CHKB: variants seen among roughly 807,000 people sequenced by gnomAD.
The protein encoded by CHKB is choline kinase beta.
CHKB carries 45 observed loss-of-function variants against 57.3 expected under a neutral mutation model. That is an observed-to-expected ratio of 0.79 (90% confidence interval 0.62 to 1.01). CHKB has a LOEUF of 1.01. Ranked by LOEUF, CHKB falls within the 50% of genes least tolerant of loss-of-function variation. The probability of loss-of-function intolerance (pLI) is 0.00; values close to 1 mark genes in which losing one functional copy is unlikely to be tolerated. For missense variants in CHKB, 517 were observed against 502.8 expected, an observed-to-expected ratio of 1.03 and a Z score of -0.27; for synonymous variants, 224 against 201.8, an observed-to-expected ratio of 1.11 and a Z score of -0.93.
At position 50,579,977 on chromosome 22, in the gene CHKB, C is replaced by T. The variant is rs1569052662; in HGVS notation, c.924G>A (p.Gln308=). The T allele has an allele frequency of 1.2e-6, 2 of 1,613,986 alleles. No individual in the cohort carries two copies. The highest frequency in any genetic ancestry group is 8.5e-7 in the Non-Finnish European group (1 of 1,179,884). ...CCCCAGCCTCTGGCCCACATACCTG[C>T]TGTTCTTGAGTGGGGTAGTCTGTGG... ...ARPTDYPTQE[Q]QLHFIRHYLA... Residue 308 remains glutamine (Q), a synonymous_variant, in exon 8 of 11, where the codon CAG becomes CAA. Coordinates refer to ENST00000406938, the MANE Select transcript of CHKB (RefSeq NM_005198.5).
chr22:50,582,201 C>G (rs2070706979), intron 2 of CHKB, 48 bp downstream of exon 2: 2 of 1,488,560 alleles, frequency 1.3e-6, no homozygotes, highest in African/African-American at 1.4e-5. Context: ...ATCGCGTAAG[C>G]GACAGGCCCT....
rs1941712507 is a variant in CHKB at position 50,581,507 on chromosome 22, G to A, written c.494C>T (p.Ala165Val). Reference sequence around the variant, plus strand: ...TTGCGCCATCTTCGTGGCAATGGCTGCTGACAACACTGGCTCTCGAAGCTC... The same window carrying A: ...TTGCGCCATCTTCGTGGCAATGGCTACTGACAACACTGGCTCTCGAAGCTC... ...TQELREPVLS[A>V]AIATKMAQFH... Residue 165 changes from alanine (A) to valine (V), a missense_variant, in exon 4 of 11, where the codon GCA (alanine) becomes GTA (valine). Transcript: ENST00000406938. 1 of 1,613,880 alleles carries A rather than the reference G, an allele frequency of 6.2e-7. No individual in the cohort carries two copies. The highest frequency in any genetic ancestry group is 1.7e-5 in the Admixed American group (1 of 60,000).
Position 50,580,020 on chromosome 22 carries a change from G to C in CHKB, c.881C>G (p.Pro294Arg), listed in dbSNP as rs762690035. Residue 294 changes from proline to arginine, a missense_variant, in exon 8 of 11, where the codon CCT becomes CGT. Transcript: ENST00000406938. ...WVYDYTHEEW[P>R]FYKARPTDYP... is the part of the protein sequence containing the mutation. Reference sequence around the variant, plus strand: ...GTCTGTGGGCCTTGCTTTGTAGAAAGGCCATTCCTCGTGAGTATAATCATA... The same window carrying C: ...GTCTGTGGGCCTTGCTTTGTAGAAACGCCATTCCTCGTGAGTATAATCATA... 10 of 1,614,046 alleles carry C rather than the reference G, an allele frequency of 6.2e-6. No individual in the cohort carries two copies. The South Asian group carries it at 6.6e-5, about 11-fold the overall frequency.
rs1188208897 is a variant in CHKB, at chr22:50,582,695, C to T, written c.87G>A (p.Pro29=). The T allele has an allele frequency of 6.2e-7, 1 of 1,610,392 alleles. No individual in the cohort carries two copies. ...CGCGCCGCCGTTTTGGGGTAGTGTCCGGGCACTTAGACTGCTGCAAGCCGT... is the reference window on the plus strand; with the variant it reads ...CGCGCCGCCGTTTTGGGGTAGTGTCTGGGCACTTAGACTGCTGCAAGCCGT... ...AKDGLQQSKC[P]DTTPKRRRAS... is the part of the protein sequence containing the mutation. The change falls in exon 1 of 11, where the codon CCG becomes CCA. Residue 29 remains proline (P), a synonymous_variant. Coordinates refer to ENST00000406938, the MANE Select transcript of CHKB (RefSeq NM_005198.5).
Position 50,579,268 on chromosome 22 carries a change from ACC to A in CHKB, c.1114-15_1114-14del. On this transcript the variant is annotated splice_polypyrimidine_tract_variant and intron_variant, in intron 10 of 10. Coordinates refer to ENST00000406938, the MANE Select transcript of CHKB (RefSeq NM_005198.5). ...ACTGGGCATAGTCCTAGGGAAGGAAACCCACCCCACACAGTGGTGAGAAGACG... is the reference window on the plus strand; with the variant it reads ...ACTGGGCATAGTCCTAGGGAAGGAAACACCCCACACAGTGGTGAGAAGACG... The A allele has an allele frequency of 6.2e-7, 1 of 1,612,972 alleles. No homozygotes were observed. The highest frequency in any genetic ancestry group is 1.1e-5 in the South Asian group (1 of 90,928).
intron 2 of CHKB, 119 bp downstream of exon 2, chr22:50,582,130 G>T (rs1330728816): frequency 1.1e-6 from 1 of 939,436 alleles, no homozygotes; most frequent in East Asian, 2.6e-5. Flanking sequence ...GTGTAATGAG[G>T]TGTTACTCAG....
intron 3 of CHKB, 55 bp downstream of exon 3, chr22:50,581,694 T>TA: frequency 1.3e-6 from 2 of 1,579,150 alleles, no homozygotes; most frequent in Non-Finnish European, 1.7e-6. Context: ...GGCACTGGGG[T>TA]AGGGTTAGGG....
chr22:50,579,709 C>G lies in CHKB; in HGVS notation c.1031+18G>C. On this transcript the variant is annotated intron_variant, in intron 9 of 10. Coordinates refer to ENST00000406938, the MANE Select transcript of CHKB (RefSeq NM_005198.5). ...TTCCTCTGCTCTGCCCTACCCCACC[C>G]TGCCCCTCCTTCCTCACCGACTGAC... 6.2e-7 allele frequency: 1 copy of G among 1,605,558 alleles called. No individual in the cohort carries two copies. The highest frequency in any genetic ancestry group is 2.2e-5 in the East Asian group (1 of 44,834).
At chr22:50,580,441 C>A in intron 5 of CHKB, 25 bp from the exon 6 acceptor site, 2 of 1,613,774 alleles carry the variant, frequency 1.2e-6, no homozygotes, top group South Asian at 1.1e-5. Context: ...GAGCATGGGT[C>A]CTGAGCAGGA....
intron 4 of CHKB, chr22:50,580,910 G>C: frequency 2.1e-6 from 1 of 473,892 alleles, no homozygotes; most frequent in South Asian, 2.0e-5. Flanking sequence ...CTCCCGAGTA[G>C]CTGGGACTAC....
Position 50,580,242 on chromosome 22 carries a change from T to C in CHKB, c.766A>G (p.Asn256Asp), listed in dbSNP as rs771856963. The C allele has an allele frequency of 1.9e-6, 3 of 1,613,956 alleles. No homozygotes were observed. Among genetic ancestry groups the C allele is most frequent in the South Asian group, 1.1e-5 (1 of 91,088 alleles). Residue 256 changes from asparagine (N) to aspartate (D), a missense_variant, in exon 7 of 11, where the codon AAT becomes GAT. By Grantham distance (23) the Asn-to-Asp change is conservative. Transcript: ENST00000406938. Reference protein sequence around the residue: ...GNILLLSEPENADSLMLVDFE... With the variant: ...GNILLLSEPEDADSLMLVDFE... ...TCCACCAGCATGAGGCTGTCAGCAT[T>C]TTCTGGCTCTGAGAGCAGCAAGATG...
At chr22:50,582,114 G>C (rs994349753) in intron 2 of CHKB, 135 bp downstream of exon 2, 2 of 885,272 alleles carry the variant, frequency 2.3e-6, no homozygotes, top group Non-Finnish European at 3.6e-6. Flanking sequence ...ACAGGCCCAG[G>C]CTTCGGTGTA....
At chr22:50,579,612 A>C (rs1231937219) in intron 9 of CHKB, 105 bp from the exon 10 acceptor site, 3 of 1,483,242 alleles carry the variant, frequency 2.0e-6, no homozygotes, top group Non-Finnish European at 2.8e-6. Flanking sequence ...CTTCTCCCCC[A>C]CTGTCCTAAC....
chr22:50,581,606 G>A (rs1054695441), intron 3 of CHKB, 53 bp from the exon 4 acceptor site: 4 of 1,611,824 alleles, frequency 2.5e-6, no homozygotes, highest in Non-Finnish European at 3.4e-6. Flanking sequence ...GGAGTGGGAA[G>A]GGCTGGGGCA....
intron 7 of CHKB, 30 bp from the exon 8 acceptor site, chr22:50,580,112 C>T (rs1191253670): frequency 1.1e-5 from 18 of 1,613,272 alleles, no homozygotes; most frequent in Non-Finnish European, 1.4e-5. Flanking sequence ...ATTCAGTCCC[C>T]AAATGCCCTG....
At chr22:50,582,467 G>A (rs552799306) in intron 1 of CHKB, 91 bp downstream of exon 1, 619 of 1,479,370 alleles carry the variant, frequency 4.2e-4, no homozygotes, top group Non-Finnish European at 5.2e-4. Flanking sequence ...GGGCGCAAGA[G>A]GGGGGCGAAA....
intron 4 of CHKB, chr22:50,580,875 G>A (rs2070678307): frequency 3.7e-6 from 2 of 534,468 alleles, no homozygotes; most frequent in South Asian, 3.8e-5. Context: ...TGCCTCCCGG[G>A]TTCAAGCAAT....
intron 5 of CHKB, 42 bp downstream of exon 5, chr22:50,580,523 G>A (rs1378319965): frequency 6.2e-7 from 1 of 1,611,868 alleles, no homozygotes; most frequent in Non-Finnish European, 8.5e-7. Context: ...CTACTGGAAG[G>A]GCGGACACCA....
rs761420355 is a variant in CHKB at position 50,582,797 on chromosome 22, G to C, written c.-16C>G. 1.9e-6 allele frequency: 3 copies of C among 1,550,018 alleles called. No individual in the cohort carries two copies. Among genetic ancestry groups the C allele is most frequent in the South Asian group, 1.2e-5 (1 of 85,036 alleles). On this transcript the variant is annotated 5_prime_UTR_variant, in exon 1 of 11. Coordinates refer to ENST00000406938, the MANE Select transcript of CHKB (RefSeq NM_005198.5). ...CGGCCGCCATGGCGCGGGCTCGACC[G>C]GGCCCCAGGCCAGGCTGCGCTCCGC...
Sources: gnomAD v4.1 joint callset for allele counts on GRCh38, gnomAD v4.1.1 for gene constraint, MANE v1.5 for transcripts, NCBI Gene and HGNC (gene_info 2026-07-23, HGNC 2026-07-21) for gene names.